Variants in ATP8A2 observed in about 807,000 individuals in gnomAD.
ATP8A2 encodes ATPase phospholipid transporting 8A2, also known as phospholipid-transporting ATPase IB.
ATP8A2 carries 100 observed loss-of-function variants against 165.6 expected under a neutral mutation model. The observed-to-expected ratio is 0.60, with a 90% CI of 0.51 to 0.71. The LOEUF (loss-of-function observed/expected upper bound fraction) is 0.71, where lower values mean the gene tolerates loss of function less well. Ranked by LOEUF, ATP8A2 falls within the 30% of genes least tolerant of loss-of-function variation. ATP8A2 has a pLI of 0.00. For synonymous variants in ATP8A2, 543 were observed against 548.8 expected (o/e 0.99, Z 0.15); for missense variants, 1,227 against 1,479.5 (o/e 0.83, Z 2.80).
At chr13:25,941,006 C>G (rs1385931214) in intron 33 of ATP8A2, among the ~76,000 whole-genome samples, 1 of 152,174 alleles carries the variant, frequency 6.6e-6, no homozygotes, top group East Asian at 1.9e-4. Flanking sequence ...CTGTCACAGC[C>G]GCCCTTCTCC....
intron 33 of ATP8A2, among the ~76,000 whole-genome samples, chr13:25,941,894 A>C (rs1298592035): frequency 6.6e-6 from 1 of 152,214 alleles, no homozygotes; most frequent in African/African-American, 2.4e-5. Context: ...ACATTATATG[A>C]GTCTCCTTCG....
chr13:25,429,144 G>C (rs551924401), intron 1 of ATP8A2, among the ~76,000 whole-genome samples: 34 of 152,082 alleles, frequency 2.2e-4, no homozygotes, highest in Non-Finnish European at 4.6e-4. Flanking sequence ...GAGGCGGTTG[G>C]ATCACCTGAG....
intron 33 of ATP8A2, among the ~76,000 whole-genome samples, chr13:25,922,933 T>A (rs1475889526): frequency 2.0e-5 from 3 of 152,196 alleles, no homozygotes; most frequent in African/African-American, 4.8e-5. Context: ...AGATGCCTTC[T>A]CTTACAGGGA....
chr13:25,387,282 G>A (rs911822663), intron 1 of ATP8A2, among the ~76,000 whole-genome samples: 4 of 152,288 alleles, frequency 2.6e-5, no homozygotes, highest in Non-Finnish European at 5.9e-5. Context: ...GGGTCTAAAT[G>A]GACCTGTCTT....
intron 11 of ATP8A2, among the ~76,000 whole-genome samples, chr13:25,551,817 T>C (rs1029477739): frequency 3.9e-5 from 6 of 152,166 alleles, no homozygotes; most frequent in African/African-American, 1.4e-4. Context: ...CTAACAATTC[T>C]AGTCAAACAC....
chr13:25,661,678 G>C (rs2042053931), intron 24 of ATP8A2, among the ~76,000 whole-genome samples: 1 of 152,172 alleles, frequency 6.6e-6, no homozygotes, highest in Admixed American at 6.5e-5. Context: ...AAAGAGATGA[G>C]ATCTATTATC....
At chr13:25,562,872 A>G (rs2039200797) in intron 15 of ATP8A2, among the ~76,000 whole-genome samples, 1 of 152,148 alleles carries the variant, frequency 6.6e-6, no homozygotes, top group Non-Finnish European at 1.5e-5. Flanking sequence ...TGAAGGCTGA[A>G]TGTTCCTCAA....
At chr13:25,926,971 G>A in intron 33 of ATP8A2, 1 of 351,628 alleles carries the variant, frequency 2.8e-6, no homozygotes, top group South Asian at 2.1e-5. Flanking sequence ...AGGGCCACAG[G>A]CAGATAAGCA....
chr13:25,764,363 A>G (rs1259941102), intron 25 of ATP8A2, among the ~76,000 whole-genome samples: 6 of 152,216 alleles, frequency 3.9e-5, no homozygotes, highest in Admixed American at 3.3e-4. Flanking sequence ...CATATGCAAA[A>G]CTTTAAGAAA....
In ATP8A2 at chr13:25,750,319, G is replaced by A. The variant is rs1437380261; in HGVS notation, c.2385-18727G>A. ...CAAATAAAATAGTACACATCTGTGT[G>A]TAGTTACCAAAGCCAGGAACACGGG... On this transcript the variant is annotated intron_variant, in intron 25 of 36. Transcript: ENST00000381655. The surrounding 1 kb of genome is among the most constrained non-coding windows in gnomAD (Gnocchi z 4.3). 6.6e-6 allele frequency among the ~76,000 whole-genome samples: 1 copy of A among 152,176 alleles called. No homozygotes were observed. The highest frequency in any genetic ancestry group is 2.4e-5 in the African/African-American group (1 of 41,452).
chr13:25,773,887 T>A (rs1242768413), intron 26 of ATP8A2, among the ~76,000 whole-genome samples: 2 of 152,180 alleles, frequency 1.3e-5, no homozygotes, highest in Non-Finnish European at 2.9e-5. Context: ...TGTGTGTACA[T>A]CCGTGTGTGT....
intron 27 of ATP8A2, among the ~76,000 whole-genome samples, chr13:25,816,115 T>C (rs1194269106): frequency 6.6e-6 from 1 of 152,180 alleles, no homozygotes; most frequent in East Asian, 1.9e-4. Context: ...TCAAGGTAAA[T>C]GTTTTTAATA....
At chr13:25,435,023 G>A (rs74042958) in intron 1 of ATP8A2, among the ~76,000 whole-genome samples, 5,042 of 152,146 alleles carry the variant, frequency 0.033, 281 homozygotes, top group African/African-American at 0.11. Context: ...CATCCGTTCT[G>A]TGCTGGGGCA....
At chr13:25,838,305 C>T (rs892854017) in intron 29 of ATP8A2, among the ~76,000 whole-genome samples, 1 of 152,166 alleles carries the variant, frequency 6.6e-6, no homozygotes, top group Non-Finnish European at 1.5e-5. Context: ...GGGAGGCTCA[C>T]TAGTTACATC....
chr13:25,445,853 C>T (rs1316748450), intron 1 of ATP8A2, among the ~76,000 whole-genome samples: 1 of 152,074 alleles, frequency 6.6e-6, no homozygotes, highest in African/African-American at 2.4e-5. Context: ...CAGTGGTGGT[C>T]ATCCAGTGAG....
At chr13:26,019,850 T>A in intron 36 of ATP8A2, 38 bp from the exon 37 acceptor site, 1 of 1,477,766 alleles carries the variant, frequency 6.8e-7, no homozygotes, top group South Asian at 1.1e-5. Flanking sequence ...CCCCCAATTC[T>A]CCTGTTAACC....
chr13:25,855,277 C>G (rs984856026), intron 30 of ATP8A2, among the ~76,000 whole-genome samples: 9 of 151,934 alleles, frequency 5.9e-5, no homozygotes, highest in South Asian at 4.2e-4. Context: ...AGAGTCACTC[C>G]CCATTTCTCC....
intron 25 of ATP8A2, among the ~76,000 whole-genome samples, chr13:25,752,218 C>T (rs217872): frequency 0.99 from 150,083 of 152,216 alleles, 74,027 homozygotes; most frequent in East Asian, 1. Context: ...CCCAACACTT[C>T]GGGAGGCTGA....
intron 1 of ATP8A2, among the ~76,000 whole-genome samples, chr13:25,388,810 C>T (rs535142150): frequency 1.3e-5 from 2 of 152,208 alleles, no homozygotes; most frequent in Non-Finnish European, 2.9e-5. Flanking sequence ...AGCAGTGACA[C>T]GGCCAGCAAT....
Sources: gnomAD v4.1 joint callset for allele counts (sites outside exome capture counted in the v4.1 genomes callset) on GRCh38, gnomAD v4.1.1 for gene constraint, Gnocchi (gnomAD v3.1) non-coding constraint, MANE v1.5 for transcripts, NCBI Gene and HGNC (gene_info 2026-07-23, HGNC 2026-07-21) for gene names.